The following PHF14 variants were observed in gnomAD, a reference collection of about 807,000 sequenced individuals.
PHF14 encodes the protein PHD finger protein 14.
In PHF14, 55 loss-of-function variants were observed where a neutral mutation model predicts 117.9. That is an observed-to-expected ratio of 0.47 (90% CI 0.38 to 0.58). PHF14 has a LOEUF of 0.58. Among genes scored for constraint, PHF14 ranks in the 20% least tolerant of loss-of-function variants. The probability of loss-of-function intolerance (pLI) is 0.00; values close to 1 mark genes in which losing one functional copy is unlikely to be tolerated. For missense variants in PHF14, 978 were observed against 1,122.2 expected (o/e 0.87, Z 1.84); for synonymous variants, 409 against 368.6 (o/e 1.11, Z -1.26).
At chr7:11,051,069 TTGCTCA>T (rs1784836959) in intron 13 of PHF14, among the ~76,000 whole-genome samples, 1 of 152,158 alleles carries the variant, frequency 6.6e-6, no homozygotes. Context: ...AGACAGGGTC[TTGCTCA>T]TGTTACCCAG....
At chr7:11,128,845 A>T (rs1788008201) in intron 17 of PHF14, among the ~76,000 whole-genome samples, 1 of 150,820 alleles carries the variant, frequency 6.6e-6, no homozygotes, top group Non-Finnish European at 1.5e-5. Context: ...TTTTCTTCTT[A>T]ATTAAATGTC....
At chr7:11,048,909 G>A (rs1784761638) in intron 13 of PHF14, among the ~76,000 whole-genome samples, 1 of 152,078 alleles carries the variant, frequency 6.6e-6, no homozygotes, top group South Asian at 2.1e-4. Context: ...GTTTTGTGGT[G>A]TTCAGGGTGT....
At chr7:10,991,317 A>T (rs1421996547) in intron 4 of PHF14, among the ~76,000 whole-genome samples, 1 of 152,170 alleles carries the variant, frequency 6.6e-6, no homozygotes, top group Non-Finnish European at 1.5e-5. Flanking sequence ...AGCTGGGATT[A>T]CAGGCACGAG....
At chr7:10,984,373 C>G (rs188495764) in intron 3 of PHF14, among the ~76,000 whole-genome samples, 7 of 152,116 alleles carry the variant, frequency 4.6e-5, no homozygotes, top group Admixed American at 4.6e-4. Context: ...ATATTGCCTG[C>G]CTTCAATGTC....
intron 17 of PHF14, among the ~76,000 whole-genome samples, chr7:11,149,235 C>CA (rs1438657812): frequency 2.0e-5 from 3 of 152,072 alleles, no homozygotes; most frequent in African/African-American, 7.2e-5. Context: ...TGCACACACA[C>CA]AAATTTTTTT....
At chr7:11,031,294 G>T (rs1331081277) in intron 7 of PHF14, among the ~76,000 whole-genome samples, 1 of 151,868 alleles carries the variant, frequency 6.6e-6, no homozygotes, top group Non-Finnish European at 1.5e-5. Flanking sequence ...TTCTGACATA[G>T]TCCTTTATCT....
At chr7:11,146,629 A>G (rs552914201) in intron 17 of PHF14, among the ~76,000 whole-genome samples, 22 of 152,320 alleles carry the variant, frequency 1.4e-4, no homozygotes, top group Non-Finnish European at 2.6e-4. Context: ...GGTTGGGGAT[A>G]TAGGGCAACA....
At position 10,975,851 on chromosome 7, in the gene PHF14, C is replaced by G. The variant is rs982163180; in HGVS notation, c.112+906C>G. Among the ~76,000 whole-genome samples the G allele has an allele frequency of 2.0e-5, 3 of 152,198 alleles. No homozygotes were observed. The South Asian group carries it at 6.2e-4, about 31-fold the overall frequency. On this transcript the variant is annotated intron_variant, in intron 2 of 17. Transcript: ENST00000634607. Reference sequence around the variant, plus strand: ...GAGTTTGCCGTGGTTAGTCACATCTCTCCTTCTTCTGGTTTTCCCTTGTCT... The same window carrying G: ...GAGTTTGCCGTGGTTAGTCACATCTGTCCTTCTTCTGGTTTTCCCTTGTCT...
chr7:11,105,350 T>A, intron 16 of PHF14: 6 of 944,200 alleles, frequency 6.4e-6, no homozygotes, highest in Non-Finnish European at 7.6e-6. Flanking sequence ...TCTATTTCCC[T>A]GTATTCACAT....
At chr7:11,115,338 A>G (rs1463654384) in intron 17 of PHF14, among the ~76,000 whole-genome samples, 4 of 152,064 alleles carry the variant, frequency 2.6e-5, no homozygotes, top group Admixed American at 2.0e-4. Context: ...TTTGCCCCAC[A>G]GTAGATATAC....
chr7:11,127,275 T>C (rs1787954172), intron 17 of PHF14, among the ~76,000 whole-genome samples: 1 of 151,644 alleles, frequency 6.6e-6, no homozygotes, highest in African/African-American at 2.4e-5. Flanking sequence ...GCTAGAGCTT[T>C]TCTATGTAGA....
At chr7:11,081,855 C>CAA (rs1270601028) in intron 16 of PHF14, among the ~76,000 whole-genome samples, 1 of 115,132 alleles carries the variant, frequency 8.7e-6, no homozygotes, top group African/African-American at 3.2e-5. Context: ...GACTCCGTCT[C>CAA]AAAAAAAAAA....
At position 10,982,603 on chromosome 7, in the gene PHF14, A is replaced by G. The variant is rs218966; in HGVS notation, c.344A>G (p.Lys115Arg). Reference protein sequence around the residue: ...EENGERPRKKKEKEKEKEKEK... With the variant: ...EENGERPRKKREKEKEKEKEK... Reference sequence around the variant, plus strand: ...AATGGAGAAAGACCTAGAAAGAAAAAGGAGAAAGAGAAGGAAAAAGAAAAG... The same window carrying G: ...AATGGAGAAAGACCTAGAAAGAAAAGGGAGAAAGAGAAGGAAAAAGAAAAG... Residue 115 changes from lysine (K) to arginine (R), a missense_variant, in exon 3 of 18, where the codon AAG (lysine) becomes AGG (arginine). Transcript: ENST00000634607. The G allele has an allele frequency of 0.64, 975,371 of 1,513,036 alleles. 316,826 individuals carry two copies. Among genetic ancestry groups the G allele is most frequent in the African/African-American group, 0.76 (54,494 of 71,638 alleles). The allele number at this position is 1,513,036 out of a possible 1,614,324, so 93.7% of individuals were successfully genotyped here.
intron 13 of PHF14, among the ~76,000 whole-genome samples, chr7:11,048,372 GACCAGC>G (rs1418265135): frequency 6.6e-6 from 1 of 152,114 alleles, no homozygotes; most frequent in Admixed American, 6.5e-5. Context: ...AGGAGTTCAA[GACCAGC>G]CTGGCCAACA....
chr7:11,003,073 T>C (rs1782937936), intron 4 of PHF14, among the ~76,000 whole-genome samples: 1 of 152,182 alleles, frequency 6.6e-6, no homozygotes, highest in African/African-American at 2.4e-5. Context: ...CCCAAGTAGC[T>C]GGGATTACAG....
At chr7:11,038,273 A>G in intron 10 of PHF14, among the ~76,000 whole-genome samples, 1 of 152,052 alleles carries the variant, frequency 6.6e-6, no homozygotes, top group East Asian at 1.9e-4. Flanking sequence ...TCTACTAAAA[A>G]TACAAAAGTT....
chr7:10,994,204 C>T (rs1438101165), intron 4 of PHF14, among the ~76,000 whole-genome samples: 1 of 151,976 alleles, frequency 6.6e-6, no homozygotes, highest in East Asian at 1.9e-4. Flanking sequence ...TTTGGGAGGC[C>T]GAGGCAGTGA....
intron 4 of PHF14, among the ~76,000 whole-genome samples, chr7:11,005,493 CTGTT>C (rs1215914800): frequency 6.6e-6 from 1 of 152,206 alleles, no homozygotes; most frequent in African/African-American, 2.4e-5. Context: ...CTTTCTCTCA[CTGTT>C]TCTCTGTTTT....
In PHF14 at chr7:10,983,034, C is replaced by T; in HGVS notation, c.775C>T (p.His259Tyr). Residue 259 changes from histidine to tyrosine, a missense_variant, in exon 3 of 18, where the codon CAT becomes TAT. By Grantham distance (83) the His-to-Tyr change is moderately conservative. This residue lies in a region of PHF14 where 414 missense variants were observed against 376.4 expected (regional missense o/e 1.10). Transcript: ENST00000634607. Reference sequence around the variant, plus strand: ...GAATGATGAAGGCAATGATGAAGATCATAGTAGCCCTGCCAGTGAAGGGGG... The same window carrying T: ...GAATGATGAAGGCAATGATGAAGATTATAGTAGCCCTGCCAGTGAAGGGGG... ...DENDEGNDED[H>Y]SSPASEGGCK... The T allele has an allele frequency of 6.3e-7, 1 of 1,589,916 alleles. No individual in the cohort carries two copies. The highest frequency in any genetic ancestry group is 8.5e-7 in the Non-Finnish European group (1 of 1,172,290).
Sources: allele counts gnomAD v4.1 joint callset (sites outside exome capture counted in the v4.1 genomes callset), GRCh38; gene constraint gnomAD v4.1.1; regional missense constraint gnomAD v4.1.1; transcripts MANE v1.5; gene names NCBI Gene and HGNC (gene_info 2026-07-23, HGNC 2026-07-21).